IGF2BP1: variants seen among roughly 807,000 people sequenced by gnomAD.
The protein encoded by IGF2BP1 is insulin like growth factor 2 mRNA binding protein 1.
IGF2BP1 carries 11 observed loss-of-function variants against 74.9 expected under a neutral mutation model. The observed-to-expected ratio is 0.15, with a 90% CI of 0.09 to 0.24. The LOEUF is 0.24. IGF2BP1 is among the 10% of genes least tolerant of loss of function. The pLI is 1.00. For missense variants in IGF2BP1, 440 were observed against 757.4 expected (o/e 0.58, Z 4.92); for synonymous variants, 287 against 281.8 (o/e 1.02, Z -0.18).
chr17:49,018,308 G>T (rs1046183201), intron 2 of IGF2BP1, among the ~76,000 whole-genome samples: 1 of 152,290 alleles, frequency 6.6e-6, no homozygotes, highest in South Asian at 2.1e-4. Flanking sequence ...GTTAGATGAC[G>T]TGAGCATGGT....
chr17:49,004,062 G>T (rs957005225), intron 2 of IGF2BP1, among the ~76,000 whole-genome samples: 1 of 151,196 alleles, frequency 6.6e-6, no homozygotes, highest in African/African-American at 2.4e-5. Context: ...AACCTTCCCC[G>T]CCCGCCCCCG....
Position 49,055,678 on chromosome 17 carries a change from G to T in IGF2BP1, c.*6234G>T. The T allele has an allele frequency of 2.5e-6, 1 of 398,460 alleles. No homozygotes were observed. Among genetic ancestry groups the T allele is most frequent in the Non-Finnish European group, 4.4e-6 (1 of 226,042 alleles). 24.7% of individuals were successfully genotyped at this position (398,460 alleles called of 1,614,324 possible). On this transcript the variant is annotated 3_prime_UTR_variant, in exon 15 of 15. Transcript: ENST00000290341. ...GAGTCTCCCTTTTCTCCAGGATCTT[G>T]ATCCTGGTCCCCAAAACCAGAGTGA...
At chr17:48,998,291 C>T (rs900165243) in intron 1 of IGF2BP1, among the ~76,000 whole-genome samples, 1 of 152,220 alleles carries the variant, frequency 6.6e-6, no homozygotes, top group East Asian at 1.9e-4. Flanking sequence ...CCCTATCCGC[C>T]GGTGGACGCC....
chr17:49,044,861 G>A (rs569873195), intron 11 of IGF2BP1, 130 bp from the exon 12 acceptor site: 4 of 750,512 alleles, frequency 5.3e-6, no homozygotes, highest in African/African-American at 3.5e-5. Flanking sequence ...CAGGGTCTTT[G>A]TTCTTCCTCC....
chr17:49,047,518 T>G (rs969203891), intron 14 of IGF2BP1, among the ~76,000 whole-genome samples: 12 of 148,058 alleles, frequency 8.1e-5, no homozygotes, highest in African/African-American at 2.2e-4. Flanking sequence ...TAATTCAGCG[T>G]TTTTTTTTTA....
At chr17:49,044,119 A>T in intron 11 of IGF2BP1, 33 bp downstream of exon 11, 1 of 1,610,160 alleles carries the variant, frequency 6.2e-7, no homozygotes, top group Non-Finnish European at 8.5e-7. Flanking sequence ...CTGTTTCTGG[A>T]AAGGGAGGGG....
At chr17:49,009,861 C>T (rs941996876) in intron 2 of IGF2BP1, among the ~76,000 whole-genome samples, 1 of 152,036 alleles carries the variant, frequency 6.6e-6, no homozygotes, top group African/African-American at 2.4e-5. Context: ...GGGTGGATCA[C>T]CTGAGGTCAG....
chr17:49,055,440 C>G lies in IGF2BP1; in HGVS notation c.*5996C>G. The stretch of plus-strand genomic sequence containing the variant: ...CTGACTTCAGTCACCCCTGTCCCCC[C>G]TCCCCTGCCAATAAGCTCCCCCAGG... On this transcript the variant is annotated 3_prime_UTR_variant, in exon 15 of 15. Coordinates refer to ENST00000290341, the MANE Select transcript of IGF2BP1 (RefSeq NM_006546.4). The G allele has an allele frequency of 5.3e-6, 2 of 378,452 alleles. No homozygotes were observed. Among genetic ancestry groups the G allele is most frequent in the Non-Finnish European group, 9.4e-6 (2 of 213,818 alleles). The allele number at this position is 378,452 out of a possible 1,614,324, so 23.4% of individuals were successfully genotyped here.
intron 9 of IGF2BP1, 108 bp from the exon 10 acceptor site, chr17:49,043,320 G>A: frequency 7.9e-7 from 1 of 1,263,708 alleles, no homozygotes; most frequent in South Asian, 1.3e-5. Context: ...TGTAATTCAT[G>A]TTTTTGGCCC....
chr17:49,014,992 C>T (rs2143988794), intron 2 of IGF2BP1: 1 of 963,840 alleles, frequency 1.0e-6, no homozygotes, highest in Non-Finnish European at 1.2e-6. Context: ...GGCACCAGCT[C>T]CATCCTCGGC....
rs1317584545 is a variant in IGF2BP1, at chr17:49,053,994, C to T, written c.*4550C>T. On this transcript the variant is annotated 3_prime_UTR_variant, in exon 15 of 15. Transcript: ENST00000290341. ...CATCAATGCCAGGGGACATAAAAGC[C>T]ATTTCCCTTCCAAATACTCGACAAT... The T allele has an allele frequency of 6.5e-6, 1 of 152,708 alleles. No individual in the cohort carries two copies. The highest frequency in any genetic ancestry group is 1.5e-5 in the Non-Finnish European group (1 of 68,052). 9.5% of individuals were successfully genotyped at this position (152,708 alleles called of 1,614,324 possible). A position where few individuals can be genotyped will look rare whatever the true frequency, so the allele number is the denominator to read the frequency against.
intron 14 of IGF2BP1, among the ~76,000 whole-genome samples, chr17:49,047,540 G>C (rs11871214): frequency 1.3e-5 from 2 of 151,276 alleles, no homozygotes; most frequent in Non-Finnish European, 2.9e-5. Context: ...AGAGAGTAAA[G>C]GATACCTCCA....
At chr17:49,031,718 G>C (rs2041923492) in intron 4 of IGF2BP1, among the ~76,000 whole-genome samples, 192 bp from the exon 5 acceptor site, 3 of 152,058 alleles carry the variant, frequency 2.0e-5, no homozygotes, top group Admixed American at 6.6e-5. Context: ...GTGTTGGCCA[G>C]GCTGGTCTCC....
chr17:49,014,789 G>A (rs1478306501), intron 2 of IGF2BP1: 1 of 985,292 alleles, frequency 1.0e-6, no homozygotes, highest in Non-Finnish European at 1.2e-6. Flanking sequence ...GGGCACTAAG[G>A]ACCCCGAGGA....
intron 4 of IGF2BP1, among the ~76,000 whole-genome samples, chr17:49,026,762 T>C: frequency 6.6e-6 from 1 of 151,568 alleles, no homozygotes; most frequent in African/African-American, 2.4e-5. Flanking sequence ...CCTTCCTGCC[T>C]TCCTGTCTAT....
At chr17:49,038,900 C>CA (rs2042018380) in intron 6 of IGF2BP1, among the ~76,000 whole-genome samples, 1 of 124,958 alleles carries the variant, frequency 8.0e-6, no homozygotes, top group Admixed American at 8.7e-5. Flanking sequence ...TTTTTTGAGA[C>CA]AGAGTTTTGC....
intron 2 of IGF2BP1, among the ~76,000 whole-genome samples, chr17:49,025,178 C>T (rs573235353): frequency 1.1e-4 from 16 of 152,130 alleles, no homozygotes; most frequent in African/African-American, 3.6e-4. Flanking sequence ...GGTGGCAGAG[C>T]GAGAGACTCT....
At chr17:49,018,416 T>C (rs547080633) in intron 2 of IGF2BP1, among the ~76,000 whole-genome samples, 1 of 152,314 alleles carries the variant, frequency 6.6e-6, no homozygotes, top group African/African-American at 2.4e-5. Flanking sequence ...TGTTGTCTAA[T>C]TGCCTCAGGC....
intron 7 of IGF2BP1, among the ~76,000 whole-genome samples, chr17:49,040,797 C>G (rs2144125185): frequency 6.6e-6 from 1 of 152,322 alleles, no homozygotes; most frequent in South Asian, 2.1e-4. Flanking sequence ...TTCATGTAAT[C>G]AATCTCCTAT....
Sources: gnomAD v4.1 joint callset for allele counts (sites outside exome capture counted in the v4.1 genomes callset) on GRCh38, gnomAD v4.1.1 for gene constraint, MANE v1.5 for transcripts, NCBI Gene and HGNC (gene_info 2026-07-23, HGNC 2026-07-21) for gene names.